PACRG: variants seen among roughly 807,000 people sequenced by gnomAD.
PACRG encodes the protein parkin coregulated.
PACRG carries 29 observed loss-of-function variants against 29.7 expected under a neutral mutation model. The ratio of observed to expected loss-of-function variants is 0.98; its 90% CI spans 0.73 to 1.33. The LOEUF (loss-of-function observed/expected upper bound fraction) is 1.33. Among genes scored for constraint, PACRG ranks in the 40% most tolerant of loss-of-function variants. PACRG has a pLI of 0.00. For missense variants in PACRG, 279 were observed against 316.2 expected, an observed-to-expected ratio of 0.88 and a Z score of 0.89; for synonymous variants, 116 against 118.7, an observed-to-expected ratio of 0.98 and a Z score of 0.15.
At chr6:163,008,387 G>A (rs996612809) in intron 2 of PACRG, among the ~76,000 whole-genome samples, 2 of 151,962 alleles carry the variant, frequency 1.3e-5, no homozygotes, top group Admixed American at 1.3e-4. Flanking sequence ...ATTTGTAAAC[G>A]AGGCACACAT....
chr6:163,210,955 T>C (rs573373715), intron 4 of PACRG, among the ~76,000 whole-genome samples: 1 of 152,296 alleles, frequency 6.6e-6, no homozygotes, highest in African/African-American at 2.4e-5. Flanking sequence ...CTGAAGTGTC[T>C]TAAAATGGAA....
intron 4 of PACRG, among the ~76,000 whole-genome samples, chr6:163,287,752 T>C (rs561060993): frequency 1.3e-5 from 2 of 152,156 alleles, no homozygotes; most frequent in Admixed American, 1.3e-4. Context: ...CAGAGAAAAA[T>C]AATTGAACGA....
chr6:163,081,434 A>G (rs930380168), intron 3 of PACRG, among the ~76,000 whole-genome samples: 1 of 152,160 alleles, frequency 6.6e-6, no homozygotes, highest in African/African-American at 2.4e-5. Context: ...CAACATTGTA[A>G]ATCTAATTAA....
intron 4 of PACRG, among the ~76,000 whole-genome samples, chr6:163,266,752 G>A (rs1783540237): frequency 6.6e-6 from 1 of 152,166 alleles, no homozygotes; most frequent in African/African-American, 2.4e-5. Context: ...TGGAAGCTCA[G>A]AGAAGTGGAT....
At chr6:163,029,515 T>C (rs983864089) in intron 2 of PACRG, among the ~76,000 whole-genome samples, 2 of 152,162 alleles carry the variant, frequency 1.3e-5, no homozygotes, top group African/African-American at 4.8e-5. Context: ...ATAAAGATAG[T>C]GTTGTGCTAA....
chr6:163,236,295 C>T (rs1782235426), intron 4 of PACRG, among the ~76,000 whole-genome samples: 1 of 137,928 alleles, frequency 7.3e-6, no homozygotes, highest in Admixed American at 7.1e-5. Context: ...CCTAGTGCCA[C>T]CTTGAGCTGG....
At chr6:162,812,625 T>C (rs944426870) in intron 1 of PACRG, among the ~76,000 whole-genome samples, 1 of 151,634 alleles carries the variant, frequency 6.6e-6, no homozygotes, top group Non-Finnish European at 1.5e-5. Flanking sequence ...TTCCAAAAAA[T>C]GTGATTCAAG....
intron 2 of PACRG, among the ~76,000 whole-genome samples, chr6:162,937,751 A>T (rs1271386827): frequency 6.6e-6 from 1 of 152,178 alleles, no homozygotes; most frequent in East Asian, 1.9e-4. Flanking sequence ...GCATCCCTGT[A>T]ACAATATTAA....
intron 2 of PACRG, among the ~76,000 whole-genome samples, chr6:163,032,052 T>A (rs1423877521): frequency 6.6e-6 from 1 of 152,254 alleles, no homozygotes; most frequent in Non-Finnish European, 1.5e-5. Flanking sequence ...AATAACTGTA[T>A]TGCCATAAAT....
At chr6:163,013,505 C>T (rs189345992) in intron 2 of PACRG, among the ~76,000 whole-genome samples, 2 of 150,742 alleles carry the variant, frequency 1.3e-5, no homozygotes, top group East Asian at 1.9e-4. Context: ...TTGTCTTTCC[C>T]TTCTGAAGTT....
intron 2 of PACRG, among the ~76,000 whole-genome samples, chr6:162,947,470 A>AATCAT (rs61434250): frequency 6.2e-5 from 6 of 96,180 alleles, no homozygotes. Flanking sequence ...AATCATATAT[A>AATCAT]ATATATATAT....
intron 2 of PACRG, among the ~76,000 whole-genome samples, chr6:163,061,619 C>G (rs762657654): frequency 4.6e-5 from 7 of 152,136 alleles, no homozygotes; most frequent in Non-Finnish European, 8.8e-5. Flanking sequence ...TACCTGTCAT[C>G]CAGGCTCCAG....
chr6:163,141,607 G>GA (rs796258198), intron 4 of PACRG, among the ~76,000 whole-genome samples: 57 of 148,506 alleles, frequency 3.8e-4, no homozygotes, highest in African/African-American at 1.3e-3. Context: ...AAGATTTAAA[G>GA]AAAAAAAATG....
intron 2 of PACRG, among the ~76,000 whole-genome samples, chr6:162,966,697 C>T (rs1007556222): frequency 5.9e-5 from 9 of 152,010 alleles, no homozygotes; most frequent in Non-Finnish European, 1.2e-4. Context: ...AGGATGGTCT[C>T]GATCTCCTGA....
intron 4 of PACRG, among the ~76,000 whole-genome samples, chr6:163,313,411 T>G (rs974982249): frequency 3.3e-5 from 5 of 152,170 alleles, no homozygotes; most frequent in African/African-American, 1.2e-4. Flanking sequence ...CAGAAGACAG[T>G]GATATTTCTC....
In PACRG at chr6:163,092,896, G is replaced by T. The variant is rs544223559; in HGVS notation, c.613+3488G>T. Among the ~76,000 whole-genome samples the T allele has an allele frequency of 2.6e-5, 4 of 152,330 alleles. No homozygotes were observed. In the East Asian group the frequency reaches 7.7e-4, roughly 29 times the overall value. On this transcript the variant is annotated intron_variant, in intron 4 of 4. Coordinates refer to ENST00000366888, the MANE Select transcript of PACRG (RefSeq NM_001080379.2). ...ACACAACCAGGCAACTGAAAGTGTTGTGTGTGACCCATAGCGCTCTCTCGT... is the reference window on the plus strand; with the variant it reads ...ACACAACCAGGCAACTGAAAGTGTTTTGTGTGACCCATAGCGCTCTCTCGT...
chr6:162,768,073 A>G (rs918016888), intron 1 of PACRG, among the ~76,000 whole-genome samples: 18 of 152,024 alleles, frequency 1.2e-4, no homozygotes, highest in African/African-American at 4.1e-4. Flanking sequence ...GTATTTGCAT[A>G]CCATTATTTT....
At chr6:163,273,722 A>G (rs1783924777) in intron 4 of PACRG, among the ~76,000 whole-genome samples, 3 of 152,042 alleles carry the variant, frequency 2.0e-5, no homozygotes, top group Admixed American at 2.0e-4. Context: ...TTCTTGATTA[A>G]ATTAGATATT....
chr6:162,897,556 C>A, intron 2 of PACRG, among the ~76,000 whole-genome samples: 1 of 152,294 alleles, frequency 6.6e-6, no homozygotes, highest in Non-Finnish European at 1.5e-5. Context: ...AAAAGCTGTT[C>A]ATACCAAGAT....
Sources: allele counts gnomAD v4.1 joint callset (sites outside exome capture counted in the v4.1 genomes callset), GRCh38; gene constraint gnomAD v4.1.1; transcripts MANE v1.5; gene names NCBI Gene and HGNC (gene_info 2026-07-23, HGNC 2026-07-21).